GFRA1: variants seen among roughly 807,000 people sequenced by gnomAD.
GFRA1 encodes the protein GDNF family receptor alpha-1.
In GFRA1, 16 loss-of-function variants were observed where a neutral mutation model predicts 51.6. That is an observed-to-expected ratio of 0.31 (90% CI 0.21 to 0.47). GFRA1 has a LOEUF of 0.47. GFRA1 is among the 20% of genes least tolerant of loss of function. The probability of loss-of-function intolerance (pLI) is 1.00; values close to 1 mark genes in which losing one functional copy is unlikely to be tolerated. For synonymous variants in GFRA1, 270 were observed against 241.3 expected (o/e 1.12, Z -1.10); for missense variants, 530 against 594.3 (o/e 0.89, Z 1.13).
intron 5 of GFRA1, among the ~76,000 whole-genome samples, chr10:116,192,275 C>T (rs935942165): frequency 2.0e-5 from 3 of 152,124 alleles, no homozygotes; most frequent in African/African-American, 7.2e-5. Flanking sequence ...CTACCAAAGA[C>T]TAAGAGTTTA....
chr10:116,142,549 G>A (rs1027695919), intron 5 of GFRA1, among the ~76,000 whole-genome samples: 1 of 152,170 alleles, frequency 6.6e-6, no homozygotes. Context: ...AAGTAGAAAT[G>A]TGTCCCCACA....
chr10:116,197,397 C>T (rs747558771), intron 5 of GFRA1, among the ~76,000 whole-genome samples: 7 of 152,142 alleles, frequency 4.6e-5, no homozygotes, highest in Non-Finnish European at 8.8e-5. Context: ...GCCTCTAGAA[C>T]TGCCAGAAAT....
intron 9 of GFRA1, among the ~76,000 whole-genome samples, chr10:116,080,332 G>A (rs1955796233): frequency 6.6e-6 from 1 of 152,126 alleles, no homozygotes; most frequent in Non-Finnish European, 1.5e-5. Context: ...ACTAAGTGGT[G>A]GAGTGCACAG....
Position 116,234,408 on chromosome 10 carries a change from A to C in GFRA1, c.419-22763T>G, listed in dbSNP as rs11812459. Reference sequence around the variant, plus strand: ...AAATGCAGCCAGTGTTTTTCACCTGAAACAGGTGTTTTTGAATCCATAGAA... The same window carrying C: ...AAATGCAGCCAGTGTTTTTCACCTGCAACAGGTGTTTTTGAATCCATAGAA... On this transcript the variant is annotated intron_variant, in intron 4 of 10. Coordinates refer to ENST00000355422, the MANE Select transcript of GFRA1 (RefSeq NM_005264.8). Among the ~76,000 whole-genome samples, 6 of 152,018 alleles carry C rather than the reference A, an allele frequency of 3.9e-5. No homozygotes were observed. The East Asian group carries it at 1.2e-3, about 30-fold the overall frequency.
chr10:116,149,283 A>G (rs1338583589), intron 5 of GFRA1, among the ~76,000 whole-genome samples: 2 of 152,252 alleles, frequency 1.3e-5, no homozygotes, highest in African/African-American at 4.8e-5. Context: ...ACAGTTGATT[A>G]GAAAATATGG....
At chr10:116,078,733 A>C (rs1341279282) in intron 9 of GFRA1, among the ~76,000 whole-genome samples, 1 of 152,178 alleles carries the variant, frequency 6.6e-6, no homozygotes, top group African/African-American at 2.4e-5. Flanking sequence ...GGGTGCTAGA[A>C]AACAGTCTGT....
At chr10:116,267,285 T>C (rs532127549) in intron 4 of GFRA1, among the ~76,000 whole-genome samples, 1 of 152,044 alleles carries the variant, frequency 6.6e-6, no homozygotes, top group African/African-American at 2.4e-5. Context: ...GCCAACATGG[T>C]GACATGTATT....
chr10:116,244,115 G>GA (rs1967649133), intron 4 of GFRA1, among the ~76,000 whole-genome samples: 1 of 151,642 alleles, frequency 6.6e-6, no homozygotes, highest in Non-Finnish European at 1.5e-5. Flanking sequence ...AAACACACAA[G>GA]AAAAAAACAG....
intron 5 of GFRA1, among the ~76,000 whole-genome samples, chr10:116,191,706 G>C (rs982845407): frequency 1.6e-4 from 24 of 152,344 alleles, no homozygotes; most frequent in Admixed American, 3.9e-4. Flanking sequence ...GGCAGTGTAA[G>C]CAAGTCTGAG....
At chr10:116,253,712 T>C (rs971329394) in intron 4 of GFRA1, among the ~76,000 whole-genome samples, 1 of 152,146 alleles carries the variant, frequency 6.6e-6, no homozygotes, top group African/African-American at 2.4e-5. Flanking sequence ...CTCTCTAAAA[T>C]AAAAAGCATG....
chr10:116,115,513 G>A (rs2133983201), intron 6 of GFRA1, among the ~76,000 whole-genome samples: 1 of 152,160 alleles, frequency 6.6e-6, no homozygotes, highest in East Asian at 1.9e-4. Context: ...TGCCCTCCAG[G>A]GAGCCCTCCT....
intron 9 of GFRA1, among the ~76,000 whole-genome samples, chr10:116,084,143 C>T (rs952950799): frequency 6.6e-5 from 10 of 152,190 alleles, no homozygotes; most frequent in Admixed American, 1.3e-4. Flanking sequence ...CCCCTTAGGG[C>T]TAGCATGGTC....
intron 9 of GFRA1, among the ~76,000 whole-genome samples, chr10:116,087,948 A>C (rs1437319862): frequency 6.6e-6 from 1 of 152,102 alleles, no homozygotes; most frequent in Non-Finnish European, 1.5e-5. Flanking sequence ...TTCTCTGCAC[A>C]GTGCTTTGGA....
intron 4 of GFRA1, among the ~76,000 whole-genome samples, chr10:116,212,055 T>C (rs1212369514): frequency 1.3e-5 from 2 of 152,252 alleles, no homozygotes; most frequent in Admixed American, 1.3e-4. Context: ...AGTTCTCATT[T>C]TATAGATGGG....
At chr10:116,160,670 T>G (rs1959664274) in intron 5 of GFRA1, among the ~76,000 whole-genome samples, 1 of 152,208 alleles carries the variant, frequency 6.6e-6, no homozygotes, top group African/African-American at 2.4e-5. Context: ...CTAAATGGGT[T>G]GGAGATCAAT....
chr10:116,232,833 T>C (rs1189790045), intron 4 of GFRA1, among the ~76,000 whole-genome samples: 1 of 152,074 alleles, frequency 6.6e-6, no homozygotes, highest in African/African-American at 2.4e-5. Flanking sequence ...CCGTCTTTGA[T>C]AAGCCCATTC....
intron 5 of GFRA1, among the ~76,000 whole-genome samples, chr10:116,182,102 G>T (rs537437051): frequency 1.3e-4 from 20 of 152,064 alleles, no homozygotes; most frequent in Non-Finnish European, 1.9e-4. Context: ...TGGGGGCTGG[G>T]GGTGGTGGGG....
intron 5 of GFRA1, among the ~76,000 whole-genome samples, chr10:116,206,781 T>C (rs7923886): frequency 0.24 from 36,324 of 150,110 alleles, 4,618 homozygotes; most frequent in African/African-American, 0.3. Flanking sequence ...TACAGGCGCC[T>C]GCCACGACGC....
At chr10:116,076,074 T>C (rs768417188) in intron 9 of GFRA1, among the ~76,000 whole-genome samples, 5 of 152,080 alleles carry the variant, frequency 3.3e-5, no homozygotes, top group Non-Finnish European at 7.4e-5. Flanking sequence ...AGTGTCGGAC[T>C]GGAGCAAAAC....
Sources: gnomAD v4.1 joint callset for allele counts (sites outside exome capture counted in the v4.1 genomes callset) on GRCh38, gnomAD v4.1.1 for gene constraint, MANE v1.5 for transcripts, NCBI Gene and HGNC (gene_info 2026-07-23, HGNC 2026-07-21) for gene names.